Variants in PDZRN3 observed in about 807,000 individuals in gnomAD.
PDZRN3 encodes E3 ubiquitin-protein ligase PDZRN3.
Under a neutral mutation model 85.7 loss-of-function variants are expected in PDZRN3, and 38 were observed. That is an observed-to-expected ratio of 0.44 (90% CI 0.34 to 0.58). The LOEUF is 0.58. PDZRN3 is among the 20% of genes least tolerant of loss of function. PDZRN3 has a pLI of 0.01. For missense variants in PDZRN3, 1,629 were observed against 1,506.4 expected, an observed-to-expected ratio of 1.08 and a Z score of -1.35; for synonymous variants, 759 against 638.0, an observed-to-expected ratio of 1.19 and a Z score of -2.86.
intron 3 of PDZRN3, among the ~76,000 whole-genome samples, chr3:73,447,003 G>A (rs558864026): frequency 1.3e-5 from 2 of 149,434 alleles, no homozygotes; most frequent in East Asian, 2.0e-4. Flanking sequence ...TCGGATGGAC[G>A]TGAGCTGAAC....
intron 5 of PDZRN3, among the ~76,000 whole-genome samples, chr3:73,394,050 CT>C (rs201360768): frequency 1.3e-4 from 19 of 148,808 alleles, no homozygotes; most frequent in South Asian, 4.3e-4. Context: ...ATCTTTATGA[CT>C]TTTTTTTTTA....
chr3:73,400,833 G>A (rs1397228265), intron 5 of PDZRN3, 89 bp downstream of exon 5: 17 of 942,796 alleles, frequency 1.8e-5, no homozygotes, highest in Middle Eastern at 2.2e-4. Flanking sequence ...ATCGGCATCC[G>A]TAAACTAATT....
At chr3:73,389,140 GA>G (rs1244865080) in intron 7 of PDZRN3, among the ~76,000 whole-genome samples, 20 of 151,932 alleles carry the variant, frequency 1.3e-4, no homozygotes, top group Admixed American at 1.3e-3. Context: ...AGTGGATTAA[GA>G]ATGAGAGGAT....
At chr3:73,604,953 G>A (rs1456360209) in intron 2 of PDZRN3, among the ~76,000 whole-genome samples, 3 of 152,192 alleles carry the variant, frequency 2.0e-5, no homozygotes, top group African/African-American at 7.2e-5. Flanking sequence ...AGGCATGGCA[G>A]CTCACACCTG....
chr3:73,514,336 G>T (rs1314505784), intron 3 of PDZRN3, among the ~76,000 whole-genome samples: 1 of 152,142 alleles, frequency 6.6e-6, no homozygotes, highest in Non-Finnish European at 1.5e-5. Flanking sequence ...TTACGCAAAT[G>T]GACTATAATG....
At chr3:73,419,213 G>C (rs1271232336) in intron 3 of PDZRN3, among the ~76,000 whole-genome samples, 1 of 152,160 alleles carries the variant, frequency 6.6e-6, no homozygotes, top group Admixed American at 6.5e-5. Flanking sequence ...GAAACGTAGG[G>C]GTTTTTCAGA....
intron 2 of PDZRN3, among the ~76,000 whole-genome samples, chr3:73,604,413 G>C (rs11708544): frequency 0.18 from 27,310 of 152,206 alleles, 3,018 homozygotes; most frequent in South Asian, 0.24. Flanking sequence ...ACCTGAGACT[G>C]AGAGAGGTTC....
Position 73,383,297 on chromosome 3 carries a change from T to A in PDZRN3, c.*68A>T, listed in dbSNP as rs1028688551. 4 of 1,450,752 alleles carry A rather than the reference T, an allele frequency of 2.8e-6. No homozygotes were observed. In the African/African-American group the frequency reaches 4.3e-5, roughly 15 times the overall value. The allele number at this position is 1,450,752 out of a possible 1,614,324, so 89.9% of individuals were successfully genotyped here. The stretch of plus-strand genomic sequence containing the variant: ...TCTTATATACAAAAACTTGCCGCAT[T>A]GAACGAGGCAGGAATTTCTACCCCA... On this transcript the variant is annotated 3_prime_UTR_variant, in exon 10 of 10. Transcript: ENST00000263666.
In PDZRN3 at chr3:73,384,301, C is replaced by A. The variant is rs764528764; in HGVS notation, c.2265G>T (p.Ser755=). The change falls in exon 10 of 10, where the codon TCG becomes TCT. Residue 755 remains serine, a synonymous_variant. Coordinates refer to ENST00000263666, the MANE Select transcript of PDZRN3 (RefSeq NM_015009.3). ...AGCTCTCGCCTGTGTTGTAGGCGCT[C>A]GAGCTGTCCTTGTCGGATTTCTCCG... ...ELPEKSDKDS[S]SAYNTGESCR... is the part of the protein sequence containing the mutation. 1.2e-6 allele frequency: 2 copies of A among 1,612,490 alleles called. No individual in the cohort carries two copies. The highest frequency in any genetic ancestry group is 2.7e-5 in the African/African-American group (2 of 74,930).
At chr3:73,603,404 C>T (rs749840619) in intron 2 of PDZRN3, among the ~76,000 whole-genome samples, 1 of 152,348 alleles carries the variant, frequency 6.6e-6, no homozygotes. Context: ...ACCCTCACAG[C>T]TTGTTCACGA....
chr3:73,504,854 A>G (rs1704042460), intron 3 of PDZRN3, among the ~76,000 whole-genome samples: 1 of 152,234 alleles, frequency 6.6e-6, no homozygotes, highest in Non-Finnish European at 1.5e-5. Flanking sequence ...TTTTCATTAT[A>G]TTAATTAACA....
At chr3:73,525,345 C>A (rs962982331) in intron 3 of PDZRN3, among the ~76,000 whole-genome samples, 1 of 152,130 alleles carries the variant, frequency 6.6e-6, no homozygotes, top group African/African-American at 2.4e-5. Flanking sequence ...GAACACATGT[C>A]AGTTTCTAAG....
chr3:73,391,903 C>T (rs1004911639), intron 5 of PDZRN3, among the ~76,000 whole-genome samples: 1 of 152,082 alleles, frequency 6.6e-6, no homozygotes, highest in African/African-American at 2.4e-5. Context: ...ATTTGAAGGG[C>T]CACGTGATAA....
intron 3 of PDZRN3, among the ~76,000 whole-genome samples, chr3:73,408,788 T>C (rs1701907140): frequency 6.6e-6 from 1 of 152,206 alleles, no homozygotes; most frequent in Non-Finnish European, 1.5e-5. Context: ...CACTGTCATC[T>C]TGGAATCACA....
chr3:73,537,737 A>G (rs1704821780), intron 3 of PDZRN3, among the ~76,000 whole-genome samples: 1 of 151,304 alleles, frequency 6.6e-6, no homozygotes, highest in Non-Finnish European at 1.5e-5. Context: ...CTTCTACCTC[A>G]GCCTCTCAAG....
Position 73,624,801 on chromosome 3 carries a change from C to T in PDZRN3, c.25G>A (p.Asp9Asn), listed in dbSNP as rs781109508. Residue 9 changes from aspartate to asparagine, a missense_variant, in exon 1 of 10, where the codon GAC (aspartate) becomes AAC (asparagine). Coordinates refer to ENST00000263666, the MANE Select transcript of PDZRN3 (RefSeq NM_015009.3). MGFELDRF[D>N]GDVDPDLKCA... ...TTCAGGTCCGGGTCCACGTCGCCGT[C>T]GAAGCGGTCCAGCTCGAAGCCCATG... is the stretch of plus-strand genomic sequence containing the variant. 4 of 1,391,562 alleles carry T rather than the reference C, an allele frequency of 2.9e-6. No homozygotes were observed. Among genetic ancestry groups the T allele is most frequent in the Non-Finnish European group, 3.7e-6 (4 of 1,076,018 alleles). 86.2% of individuals were successfully genotyped at this position (1,391,562 alleles called of 1,614,324 possible). A position where few individuals can be genotyped will look rare whatever the true frequency, so the allele number is the denominator to read the frequency against.
chr3:73,416,445 T>C (rs1039331959), intron 3 of PDZRN3, among the ~76,000 whole-genome samples: 1 of 151,882 alleles, frequency 6.6e-6, no homozygotes, highest in Admixed American at 6.6e-5. Context: ...CATACCGACA[T>C]AGTCTTTCTG....
At chr3:73,515,175 T>C (rs1179375545) in intron 3 of PDZRN3, among the ~76,000 whole-genome samples, 4 of 3,628 alleles carry the variant, frequency 1.1e-3, no homozygotes, top group Non-Finnish European at 3.5e-3. Flanking sequence ...AATCAGCCCT[T>C]TTTTTTTTTT....
chr3:73,505,781 C>T (rs896910978), intron 3 of PDZRN3, among the ~76,000 whole-genome samples: 3 of 151,414 alleles, frequency 2.0e-5, no homozygotes, highest in Non-Finnish European at 4.4e-5. Flanking sequence ...TAAAAAAAAA[C>T]AGCACATAAA....
Sources: gnomAD v4.1 joint callset for allele counts (sites outside exome capture counted in the v4.1 genomes callset) on GRCh38, gnomAD v4.1.1 for gene constraint, MANE v1.5 for transcripts, NCBI Gene and HGNC (gene_info 2026-07-23, HGNC 2026-07-21) for gene names.